Variants in CIB4 observed in about 807,000 individuals in gnomAD.
CIB4 encodes the protein calcium and integrin-binding family member 4.
A neutral mutation model predicts 25.8 loss-of-function variants in CIB4; 25 were observed. The observed-to-expected ratio is 0.97, with a 90% CI of 0.71 to 1.35. The LOEUF (loss-of-function observed/expected upper bound fraction) is 1.35, where lower values mean the gene tolerates loss of function less well. Ranked by LOEUF, CIB4 falls within the 40% of genes most tolerant of loss-of-function variation. The probability of loss-of-function intolerance (pLI) is 0.00; values close to 1 mark genes in which losing one functional copy is unlikely to be tolerated. For missense variants in CIB4, 235 were observed against 228.2 expected (o/e 1.03, Z -0.19); for synonymous variants, 75 against 81.4 (o/e 0.92, Z 0.42).
intron 2 of CIB4, 123 bp from the exon 3 acceptor site, chr2:26,629,629 G>T: frequency 1.5e-6 from 1 of 670,426 alleles, no homozygotes; most frequent in South Asian, 1.7e-5. Flanking sequence ...TTTGAGGAAG[G>T]AGACTTGGGG....
chr2:26,597,017 T>C (rs1387721622), intron 3 of CIB4, among the ~76,000 whole-genome samples: 1 of 152,230 alleles, frequency 6.6e-6, no homozygotes, highest in Non-Finnish European at 1.5e-5. Context: ...TCATTTGACT[T>C]TTCAAGGTAA....
At chr2:26,613,499 G>C (rs573944813) in intron 3 of CIB4, among the ~76,000 whole-genome samples, 7 of 152,302 alleles carry the variant, frequency 4.6e-5, no homozygotes, top group Admixed American at 4.6e-4. Flanking sequence ...TCCACAGGCA[G>C]CTTCTGGGAA....
chr2:26,625,843 T>C (rs1275194002), intron 3 of CIB4, among the ~76,000 whole-genome samples: 3 of 152,282 alleles, frequency 2.0e-5, no homozygotes, highest in African/African-American at 7.2e-5. Context: ...GACTACATTT[T>C]CTTCTAGGGT....
chr2:26,600,862 G>A (rs535705000), intron 3 of CIB4, among the ~76,000 whole-genome samples: 21 of 152,166 alleles, frequency 1.4e-4, no homozygotes, highest in African/African-American at 3.6e-4. Context: ...TAAAGTTTAC[G>A]TGGAAATGCA....
At chr2:26,597,833 G>T (rs1310048467) in intron 3 of CIB4, among the ~76,000 whole-genome samples, 2 of 151,542 alleles carry the variant, frequency 1.3e-5, no homozygotes, top group African/African-American at 4.8e-5. Context: ...GAAGGGGAGG[G>T]ACTCAGCCAG....
intron 2 of CIB4, among the ~76,000 whole-genome samples, chr2:26,634,825 G>A (rs1039684348): frequency 6.6e-6 from 1 of 152,228 alleles, no homozygotes; most frequent in East Asian, 1.9e-4. Context: ...AGCAGAGGCT[G>A]GAAGCAAAGC....
rs1480193130 is a variant in CIB4 at position 26,601,227 on chromosome 2, AAAAAAT to A, written c.187-5916_187-5911del. Among the ~76,000 whole-genome samples, 27 of 44,374 alleles carry A rather than the reference AAAAAAT, an allele frequency of 6.1e-4. 1 individual carries two copies. The highest frequency in any genetic ancestry group is 1.9e-3 in the African/African-American group (26 of 13,510). 29.1% of individuals were successfully genotyped at this position (44,374 alleles called of 152,430 possible). ...AGAGTGAGACCATGTCAAAAAAAAAAAAAAATATATATATATATATATATATATATA... is the reference window on the plus strand; with the variant it reads ...AGAGTGAGACCATGTCAAAAAAAAAAATATATATATATATATATATATATA... On this transcript the variant is annotated intron_variant, in intron 3 of 6. Coordinates refer to ENST00000288861, the MANE Select transcript of CIB4 (RefSeq NM_001029881.3).
At chr2:26,588,714 A>G (rs1360448060) in intron 4 of CIB4, among the ~76,000 whole-genome samples, 3 of 152,174 alleles carry the variant, frequency 2.0e-5, no homozygotes, top group Non-Finnish European at 2.9e-5. Context: ...AGTCCCTGGG[A>G]AGGTATGGGG....
chr2:26,631,963 C>T (rs543102847), intron 2 of CIB4, among the ~76,000 whole-genome samples: 1 of 152,336 alleles, frequency 6.6e-6, no homozygotes, highest in African/African-American at 2.4e-5. Context: ...CTTCCCTGGG[C>T]CTCCTTCTGA....
At chr2:26,604,793 T>G (rs977318360) in intron 3 of CIB4, among the ~76,000 whole-genome samples, 1 of 152,204 alleles carries the variant, frequency 6.6e-6, no homozygotes, top group Non-Finnish European at 1.5e-5. Flanking sequence ...TCCCCTCATT[T>G]TGAATCCTTT....
rs369656687 is a variant in CIB4, at chr2:26,629,440, C to A, written c.156G>T (p.Met52Ile). Residue 52 changes from methionine (M) to isoleucine (I), a missense_variant, in exon 3 of 7, where the codon ATG becomes ATT. Coordinates refer to ENST00000288861, the MANE Select transcript of CIB4 (RefSeq NM_001029881.3). The stretch of plus-strand genomic sequence containing the variant: ...GAGCTGGCAGGGAGCTGACCTGGTC[C>A]ATGGTGAGCGTTGCCTCCTTGTAGT... ...GKYYKEATLT[M>I]DQVSSLPALR... 30 of 1,582,100 alleles carry A rather than the reference C, an allele frequency of 1.9e-5. No individual in the cohort carries two copies. Among genetic ancestry groups the A allele is most frequent in the Non-Finnish European group, 2.5e-5 (29 of 1,163,906 alleles).
chr2:26,633,895 C>T (rs939500290), intron 2 of CIB4, among the ~76,000 whole-genome samples: 2 of 152,188 alleles, frequency 1.3e-5, no homozygotes, highest in African/African-American at 4.8e-5. Context: ...CCTCTCGGGC[C>T]TCAGTTTCCC....
chr2:26,639,477 T>G (rs1477000886), intron 2 of CIB4, among the ~76,000 whole-genome samples: 1 of 152,166 alleles, frequency 6.6e-6, no homozygotes, highest in Non-Finnish European at 1.5e-5. Flanking sequence ...AGGTAGCATT[T>G]TTTTTTAGAT....
At chr2:26,615,045 C>G (rs1210120497) in intron 3 of CIB4, among the ~76,000 whole-genome samples, 1 of 152,232 alleles carries the variant, frequency 6.6e-6, no homozygotes, top group African/African-American at 2.4e-5. Context: ...GAGAGTTGGC[C>G]CTGCAGTTGC....
At chr2:26,609,599 A>G (rs1236486836) in intron 3 of CIB4, among the ~76,000 whole-genome samples, 2 of 152,134 alleles carry the variant, frequency 1.3e-5, no homozygotes, top group Admixed American at 6.5e-5. Context: ...CAGACAAAAG[A>G]ACAGAAAGAT....
chr2:26,586,514 C>A (rs1275995), intron 4 of CIB4, among the ~76,000 whole-genome samples: 143,899 of 152,260 alleles, frequency 0.95, 68,497 homozygotes, highest in East Asian at 1. Flanking sequence ...CCTCCACTTG[C>A]ATATAAATTC....
At chr2:26,637,884 T>C (rs985320903) in intron 2 of CIB4, among the ~76,000 whole-genome samples, 6 of 152,212 alleles carry the variant, frequency 3.9e-5, no homozygotes, top group Non-Finnish European at 7.3e-5. Flanking sequence ...GTTTCTGCAC[T>C]GCTGTCCCTG....
At chr2:26,586,268 C>T (rs1156933373) in intron 4 of CIB4, among the ~76,000 whole-genome samples, 1 of 152,202 alleles carries the variant, frequency 6.6e-6, no homozygotes, top group Non-Finnish European at 1.5e-5. Context: ...CCTCACTCTG[C>T]CTCCTTGCTC....
intron 3 of CIB4, among the ~76,000 whole-genome samples, chr2:26,614,507 C>G (rs1244557228): frequency 6.6e-6 from 1 of 152,218 alleles, no homozygotes; most frequent in Non-Finnish European, 1.5e-5. Context: ...GGACTCACTT[C>G]TCACCTCAGA....
Sources: allele counts gnomAD v4.1 joint callset (sites outside exome capture counted in the v4.1 genomes callset), GRCh38; gene constraint gnomAD v4.1.1; transcripts MANE v1.5; gene names NCBI Gene and HGNC (gene_info 2026-07-23, HGNC 2026-07-21).